ALPK3: variants seen among roughly 807,000 people sequenced by gnomAD.
ALPK3 encodes alpha kinase 3.
Under a neutral mutation model 140.0 loss-of-function variants are expected in ALPK3, and 102 were observed. The observed-to-expected ratio is 0.73, with a 90% CI of 0.62 to 0.86. The LOEUF (loss-of-function observed/expected upper bound fraction) is 0.86, where lower values mean the gene tolerates loss of function less well. Among genes scored for constraint, ALPK3 ranks in the 40% least tolerant of loss-of-function variants. The pLI, the probability that ALPK3 is intolerant of heterozygous loss-of-function variation, is 0.00. For synonymous variants in ALPK3, 938 were observed against 898.5 expected (o/e 1.04, Z -0.79); for missense variants, 2,254 against 2,208.2 (o/e 1.02, Z -0.42).
At chr15:84,848,612 C>G (rs978218484) in intron 5 of ALPK3, among the ~76,000 whole-genome samples, 4 of 152,012 alleles carry the variant, frequency 2.6e-5, no homozygotes, top group Admixed American at 1.3e-4. Context: ...AAAATCTAAA[C>G]CTATAAATAA....
chr15:84,864,373 GA>G, intron 11 of ALPK3, 68 bp from the exon 12 acceptor site: 1 of 1,489,522 alleles, frequency 6.7e-7, no homozygotes, highest in Non-Finnish European at 9.3e-7. Context: ...CAAGAATACA[GA>G]ATTGGGTGGG....
intron 5 of ALPK3, among the ~76,000 whole-genome samples, chr15:84,847,775 T>TA (rs1485284157): frequency 6.6e-6 from 1 of 152,210 alleles, no homozygotes; most frequent in East Asian, 1.9e-4. Flanking sequence ...GAAGAATTGC[T>TA]AGGCTGGGAG....
intron 5 of ALPK3, among the ~76,000 whole-genome samples, chr15:84,849,493 A>G (rs1963776682): frequency 6.6e-6 from 1 of 152,200 alleles, no homozygotes. Flanking sequence ...ATATTCACCA[A>G]AATAGATTAT....
At chr15:84,844,851 C>T (rs941065460) in intron 5 of ALPK3, among the ~76,000 whole-genome samples, 12 of 150,786 alleles carry the variant, frequency 8.0e-5, no homozygotes, top group East Asian at 7.8e-4. Context: ...AGCGAGACTC[C>T]GTCTCAAAAA....
In ALPK3 at chr15:84,857,323, A is replaced by G. The variant is rs1441601956; in HGVS notation, c.2585A>G (p.Gln862Arg). 1 of 1,614,160 alleles carries G rather than the reference A, an allele frequency of 6.2e-7. No homozygotes were observed. The highest frequency in any genetic ancestry group is 1.7e-5 in the Admixed American group (1 of 60,026). Residue 862 changes from glutamine (Q) to arginine (R), a missense_variant, in exon 6 of 14, where the codon CAG becomes CGG. Physicochemically the swap from Gln to Arg is conservative, Grantham distance 43. Coordinates refer to ENST00000258888, the MANE Select transcript of ALPK3 (RefSeq NM_020778.5). ...QGGCPLAGLS[Q>R]EVPTMPSLPG... ...GGCTGTCCTCTAGCTGGCCTGAGCCAGGAGGTACCCACGATGCCTTCTCTT... is the reference window on the plus strand; with the variant it reads ...GGCTGTCCTCTAGCTGGCCTGAGCCGGGAGGTACCCACGATGCCTTCTCTT...
intron 12 of ALPK3, among the ~76,000 whole-genome samples, chr15:84,865,694 C>A (rs763774930): frequency 3.9e-5 from 6 of 152,352 alleles, no homozygotes; most frequent in Admixed American, 6.5e-5. Context: ...CGCGGAGGCT[C>A]ACGCCTGTAA....
intron 2 of ALPK3, among the ~76,000 whole-genome samples, chr15:84,826,987 C>A (rs997302326): frequency 6.6e-6 from 1 of 152,088 alleles, no homozygotes; most frequent in Non-Finnish European, 1.5e-5. Flanking sequence ...TTTTTCTGAG[C>A]CCAAGCTCTA....
At chr15:84,822,433 T>C (rs16974536) in intron 1 of ALPK3, among the ~76,000 whole-genome samples, 9,900 of 152,164 alleles carry the variant, frequency 0.065, 391 homozygotes, top group African/African-American at 0.092. Flanking sequence ...ACATAGACCG[T>C]GAGCACCATT....
At chr15:84,860,221 A>G (rs1596157222) in intron 9 of ALPK3, 149 bp downstream of exon 9, 3 of 1,016,682 alleles carry the variant, frequency 3.0e-6, no homozygotes, top group South Asian at 2.9e-5. Context: ...ATGATGGAGG[A>G]GGACTGCTGT....
In ALPK3 at chr15:84,840,676, C is replaced by G; in HGVS notation, c.1397C>G (p.Pro466Arg). ...SEGVPGAPGQPTHSLTPQPTR... is the reference protein window; with the variant it reads ...SEGVPGAPGQRTHSLTPQPTR... Reference sequence around the variant, plus strand: ...GGGGTGCCTGGCGCTCCTGGCCAGCCCACACACTCCTTGACCCCCCAGCCG... The same window carrying G: ...GGGGTGCCTGGCGCTCCTGGCCAGCGCACACACTCCTTGACCCCCCAGCCG... Residue 466 changes from proline (P) to arginine (R), a missense_variant, in exon 5 of 14, where the codon CCC becomes CGC. Transcript: ENST00000258888. The G allele has an allele frequency of 1.3e-6, 2 of 1,599,054 alleles. No homozygotes were observed. Among genetic ancestry groups the G allele is most frequent in the Non-Finnish European group, 1.7e-6 (2 of 1,172,872 alleles).
In ALPK3 at chr15:84,817,425, G is replaced by C. The variant is rs1428245164; in HGVS notation, c.-28G>C. On this transcript the variant is annotated 5_prime_UTR_variant, in exon 1 of 14. Transcript: ENST00000258888. ...GGACAGGCGAGGCAGCGGCGAGTGC[G>C]GGGCCGGCGGTCGGGGAGGGCGGTG... 8.0e-7 allele frequency: 1 copy of C among 1,256,232 alleles called. No individual in the cohort carries two copies. The highest frequency in any genetic ancestry group is 1.6e-5 in the African/African-American group (1 of 63,656). The allele number at this position is 1,256,232 out of a possible 1,614,324, so 77.8% of individuals were successfully genotyped here.
rs756985926 is a variant in ALPK3, at chr15:84,840,849, G to A, written c.1570G>A (p.Val524Met). 2.5e-6 allele frequency: 4 copies of A among 1,614,050 alleles called. No individual in the cohort carries two copies. The South Asian group carries it at 3.3e-5, about 13-fold the overall frequency. Residue 524 changes from valine (V) to methionine (M), a missense_variant, in exon 5 of 14, where the codon GTG becomes ATG. Around this residue, in one of 3 missense-constraint regions of ALPK3, gnomAD observed 2,088 missense variants for 2,022.9 expected, o/e 1.03. Coordinates refer to ENST00000258888, the MANE Select transcript of ALPK3 (RefSeq NM_020778.5). ...GGCCCCACCTCAGGCCTCTGTGCAG[G>A]TGCCGACGCCCCCTGCCCGGCGGAG... ...GKAPPQASVQ[V>M]PTPPARRRHG...
chr15:84,829,637 C>G (rs532141520), intron 3 of ALPK3, among the ~76,000 whole-genome samples: 2 of 152,300 alleles, frequency 1.3e-5, no homozygotes, highest in East Asian at 3.9e-4. Context: ...GCTGTACATG[C>G]TGTTTATACA....
chr15:84,833,777 G>A (rs1963568677), intron 3 of ALPK3, among the ~76,000 whole-genome samples: 1 of 152,198 alleles, frequency 6.6e-6, no homozygotes, highest in South Asian at 2.1e-4. Context: ...AGACAGGCAA[G>A]GCCCTGGGGT....
At chr15:84,858,975 A>G (rs1199792643) in intron 6 of ALPK3, among the ~76,000 whole-genome samples, 1 of 152,156 alleles carries the variant, frequency 6.6e-6, no homozygotes, top group African/African-American at 2.4e-5. Context: ...TCCTGTCTCA[A>G]CTGCTGTCTG....
chr15:84,868,212 T>C lies in ALPK3; in HGVS notation c.4874T>C (p.Leu1625Pro). 1 of 1,614,108 alleles carries C rather than the reference T, an allele frequency of 6.2e-7. No homozygotes were observed. The highest frequency in any genetic ancestry group is 2.2e-5 in the East Asian group (1 of 44,876). ...TGTGAGCTGCTGGGGCTGACACCTC[T>C]CAAGGGCCCGGAGGCGGCCCACCCC... ...AYCELLGLTP[L>P]KGPEAAHPQA... Residue 1625 changes from leucine to proline, a missense_variant, in exon 14 of 14, where the codon CTC becomes CCC. Transcript: ENST00000258888.
rs2141557270 is a variant in ALPK3 at position 84,840,738 on chromosome 15, A to G, written c.1459A>G (p.Lys487Glu). The G allele has an allele frequency of 1.9e-6, 3 of 1,613,960 alleles. No homozygotes were observed. Among genetic ancestry groups the G allele is most frequent in the Admixed American group, 3.3e-5 (2 of 59,978 alleles). Residue 487 changes from lysine (K) to glutamate (E), a missense_variant, in exon 5 of 14, where the codon AAG (lysine) becomes GAG (glutamate). Physicochemically the swap from Lys to Glu is moderately conservative, Grantham distance 56. Coordinates refer to ENST00000258888, the MANE Select transcript of ALPK3 (RefSeq NM_020778.5). ...CAACAGAAAGAGATTTGCCCCTCCA[A>G]AGCCCAAAGGAGAGGCCACCACTGA... The part of the protein sequence containing the change: ...PFNRKRFAPP[K>E]PKGEATTDSK...
In ALPK3 at chr15:84,857,596, A is replaced by T. The variant is rs1393907055; in HGVS notation, c.2858A>T (p.Asp953Val). 2.5e-6 allele frequency: 4 copies of T among 1,574,800 alleles called. No individual in the cohort carries two copies. Among genetic ancestry groups the T allele is most frequent in the East Asian group, 4.5e-5 (2 of 44,428 alleles). The change falls in exon 6 of 14, where the codon GAC becomes GTC. Residue 953 changes from aspartate to valine, a missense_variant. This residue lies in a region of ALPK3 where 2,088 missense variants were observed against 2,022.9 expected (regional missense o/e 1.03). Transcript: ENST00000258888. Reference protein sequence around the residue: ...EGRTPGPRSCDPGLIDSLKNY... With the variant: ...EGRTPGPRSCVPGLIDSLKNY... Reference sequence around the variant, plus strand: ...CGGACCCCAGGTCCCCGGAGCTGTGACCCTGGCCTCATAGATTCCCTGAAG... The same window carrying T: ...CGGACCCCAGGTCCCCGGAGCTGTGTCCCTGGCCTCATAGATTCCCTGAAG...
At chr15:84,821,470 C>A (rs1209944684) in intron 1 of ALPK3, among the ~76,000 whole-genome samples, 1 of 152,206 alleles carries the variant, frequency 6.6e-6, no homozygotes, top group Non-Finnish European at 1.5e-5. Flanking sequence ...AAGAGAGGGA[C>A]AAATGAAATT....
Sources: allele counts gnomAD v4.1 joint callset (sites outside exome capture counted in the v4.1 genomes callset), GRCh38; gene constraint gnomAD v4.1.1; regional missense constraint gnomAD v4.1.1; transcripts MANE v1.5; gene names NCBI Gene and HGNC (gene_info 2026-07-23, HGNC 2026-07-21).